Variants in MTIF2 observed in about 807,000 individuals in gnomAD.
MTIF2 encodes the protein mitochondrial translational initiation factor 2, also known as translation initiation factor IF-2, mitochondrial.
A neutral mutation model predicts 83.5 loss-of-function variants in MTIF2; 71 were observed. That is an observed-to-expected ratio of 0.85 (90% confidence interval 0.70 to 1.04). The LOEUF is 1.04. Ranked by LOEUF, MTIF2 falls within the 50% of genes least tolerant of loss-of-function variation. MTIF2 has a pLI of 0.00. For missense variants in MTIF2, 957 were observed against 846.5 expected, an observed-to-expected ratio of 1.13 and a Z score of -1.62; for synonymous variants, 319 against 287.1, an observed-to-expected ratio of 1.11 and a Z score of -1.12.
At chr2:55,265,153 G>A (rs551342009) in intron 3 of MTIF2, among the ~76,000 whole-genome samples, 3 of 150,486 alleles carry the variant, frequency 2.0e-5, no homozygotes, top group South Asian at 4.2e-4. Flanking sequence ...TGAGGCAGGA[G>A]AATCACTTGA....
At chr2:55,258,821 A>AG (rs1217076996) in intron 5 of MTIF2, among the ~76,000 whole-genome samples, 1 of 151,540 alleles carries the variant, frequency 6.6e-6, no homozygotes, top group Admixed American at 6.6e-5. Flanking sequence ...CAAAAAAAAA[A>AG]AAAAAAAAAA....
chr2:55,251,635 T>C (rs1422700457), intron 8 of MTIF2, among the ~76,000 whole-genome samples: 2 of 152,224 alleles, frequency 1.3e-5, no homozygotes, highest in Non-Finnish European at 2.9e-5. Context: ...TGTGTAACTT[T>C]TTTTTGAGAC....
intron 14 of MTIF2, among the ~76,000 whole-genome samples, chr2:55,239,687 AG>A (rs1257972118): frequency 6.6e-6 from 1 of 152,204 alleles, no homozygotes; most frequent in African/African-American, 2.4e-5. Context: ...CAAAGTCAAC[AG>A]CTCTTTCCAT....
In MTIF2 at chr2:55,249,509, T is replaced by C. The variant is rs1048630787; in HGVS notation, c.867A>G (p.Lys289=). Residue 289 remains lysine (K), a synonymous_variant, in exon 9 of 16, where the codon AAA becomes AAG. Coordinates refer to ENST00000263629, the MANE Select transcript of MTIF2 (RefSeq NM_002453.3). ...CAGGATCAGCCTCAGCTTTGTCACA[T>C]TTATTTACGGCAAGGATAATAGGAA... The part of the protein sequence containing the change: ...AQVPIILAVN[K]CDKAEADPEK... The C allele has an allele frequency of 6.2e-7, 1 of 1,614,096 alleles. No homozygotes were observed. Among genetic ancestry groups the C allele is most frequent in the Non-Finnish European group, 8.5e-7 (1 of 1,179,980 alleles).
At chr2:55,239,945 C>A (rs1309567334) in intron 14 of MTIF2, 66 bp downstream of exon 14, 2 of 1,402,538 alleles carry the variant, frequency 1.4e-6, no homozygotes, top group East Asian at 4.7e-5. Flanking sequence ...CTAAGCTTTG[C>A]TTTGAAGTGC....
intron 5 of MTIF2, among the ~76,000 whole-genome samples, chr2:55,257,618 A>T (rs1452026531): frequency 1.3e-5 from 2 of 152,216 alleles, no homozygotes; most frequent in African/African-American, 2.4e-5. Context: ...GTATTCTCCA[A>T]TTTCCATGGT....
chr2:55,243,068 C>G lies in MTIF2; in HGVS notation c.1577G>C (p.Gly526Ala), dbSNP rs755023580. Residue 526 changes from glycine (G) to alanine (A), a missense_variant, in exon 13 of 16, where the codon GGT becomes GCT. Coordinates refer to ENST00000263629, the MANE Select transcript of MTIF2 (RefSeq NM_002453.3). ...AATGTTCAAAATGGCCTCAACAGAA[C>G]CATCAACATCACCTAAATACAGAAA... The part of the protein sequence containing the change: ...LSVIIKGDVD[G>A]SVEAILNIID... The G allele has an allele frequency of 6.2e-7, 1 of 1,601,540 alleles. No homozygotes were observed. Among genetic ancestry groups the G allele is most frequent in the Non-Finnish European group, 8.5e-7 (1 of 1,176,354 alleles).
intron 5 of MTIF2, among the ~76,000 whole-genome samples, chr2:55,255,373 C>CTA (rs889917077): frequency 4.1e-5 from 6 of 145,676 alleles, no homozygotes; most frequent in African/African-American, 1.0e-4. Context: ...TTTAAAGATA[C>CTA]TATATATATA....
chr2:55,252,006 T>G (rs1406392491), intron 8 of MTIF2, among the ~76,000 whole-genome samples: 1 of 152,210 alleles, frequency 6.6e-6, no homozygotes, highest in East Asian at 1.9e-4. Context: ...GTTAAGTGAT[T>G]TTCCAAAAGT....
intron 3 of MTIF2, among the ~76,000 whole-genome samples, chr2:55,265,842 GA>G: frequency 6.6e-6 from 1 of 152,180 alleles, no homozygotes; most frequent in South Asian, 2.1e-4. Context: ...ATTGTGGATC[GA>G]AAATTTTTTT....
intron 14 of MTIF2, among the ~76,000 whole-genome samples, chr2:55,238,525 G>A (rs1443024193): frequency 1.3e-5 from 2 of 151,696 alleles, no homozygotes; most frequent in Non-Finnish European, 2.9e-5. Flanking sequence ...CCAAGTAGCT[G>A]GGATTACAGG....
chr2:55,262,559 T>TG, intron 4 of MTIF2, 132 bp from the exon 5 acceptor site: 1 of 593,310 alleles, frequency 1.7e-6, no homozygotes, highest in Non-Finnish European at 2.8e-6. Context: ...TTTTTTTTTT[T>TG]TGAGACAGAC....
intron 5 of MTIF2, among the ~76,000 whole-genome samples, chr2:55,258,020 G>A (rs1476921253): frequency 6.6e-6 from 1 of 152,072 alleles, no homozygotes; most frequent in Non-Finnish European, 1.5e-5. Context: ...TCAAACTCTT[G>A]GGCTCAAGCG....
chr2:55,238,514 C>T (rs1467691987), intron 14 of MTIF2, among the ~76,000 whole-genome samples: 1 of 151,688 alleles, frequency 6.6e-6, no homozygotes, highest in Non-Finnish European at 1.5e-5. Context: ...GCCTCAGCCT[C>T]CCAAGTAGCT....
At chr2:55,256,232 G>A (rs774595242) in intron 5 of MTIF2, among the ~76,000 whole-genome samples, 45 of 151,774 alleles carry the variant, frequency 3.0e-4, no homozygotes, top group Non-Finnish European at 1.2e-4. Flanking sequence ...TTCAAATACA[G>A]AATCCACACC....
intron 3 of MTIF2, among the ~76,000 whole-genome samples, chr2:55,264,102 T>C (rs1678248960): frequency 6.6e-6 from 1 of 152,212 alleles, no homozygotes; most frequent in Admixed American, 6.5e-5. Flanking sequence ...TATGATAGAA[T>C]TGAAATACAA....
At position 55,243,498 on chromosome 2, in the gene MTIF2, A is replaced by G; in HGVS notation, c.1482T>C (p.Phe494=). ...AGGGTATTTGTTCTTTTCTTTCTAA[A>G]AACCGTAGAATTGATCTCTTCTTCC... ...LLWKKRSILR[F]LERKEQIPLK... Residue 494 remains phenylalanine, a synonymous_variant, in exon 12 of 16, where the codon TTT becomes TTC. Coordinates refer to ENST00000263629, the MANE Select transcript of MTIF2 (RefSeq NM_002453.3). 6.2e-7 allele frequency: 1 copy of G among 1,614,038 alleles called. No individual in the cohort carries two copies. The highest frequency in any genetic ancestry group is 1.1e-5 in the South Asian group (1 of 91,066).
At chr2:55,252,886 A>T (rs2043712) in intron 7 of MTIF2, among the ~76,000 whole-genome samples, 134,695 of 152,230 alleles carry the variant, frequency 0.88, 59,746 homozygotes, top group Admixed American at 0.92. Flanking sequence ...AGTCTCCATA[A>T]TTCTAGAACA....
At chr2:55,262,475 A>G in intron 4 of MTIF2, 48 bp from the exon 5 acceptor site, 3 of 1,222,410 alleles carry the variant, frequency 2.5e-6, no homozygotes, top group Admixed American at 1.9e-5. Context: ...AAAAAACTTA[A>G]GTGACAATTT....
Sources: allele counts gnomAD v4.1 joint callset (sites outside exome capture counted in the v4.1 genomes callset), GRCh38; gene constraint gnomAD v4.1.1; transcripts MANE v1.5; gene names NCBI Gene and HGNC (gene_info 2026-07-23, HGNC 2026-07-21).